RCHY1: variants seen among roughly 807,000 people sequenced by gnomAD.
RCHY1 encodes the protein RING finger and CHY zinc finger domain-containing protein 1.
Under a neutral mutation model 41.6 loss-of-function variants are expected in RCHY1, and 21 were observed. The ratio of observed to expected loss-of-function variants is 0.51; its 90% confidence interval spans 0.36 to 0.73. The LOEUF (loss-of-function observed/expected upper bound fraction) is 0.73. Among genes scored for constraint, RCHY1 ranks in the 30% least tolerant of loss-of-function variants. The pLI is 0.00. For synonymous variants in RCHY1, 79 were observed against 102.9 expected (o/e 0.77, Z 1.41); for missense variants, 265 against 325.3 (o/e 0.81, Z 1.43).
intron 3 of RCHY1, among the ~76,000 whole-genome samples, chr4:75,499,199 A>AACAGAAG (rs1723501400): frequency 1.3e-5 from 2 of 152,216 alleles, no homozygotes; most frequent in Non-Finnish European, 2.9e-5. Flanking sequence ...TCATCAGACA[A>AACAGAAG]ACAGAAATCA....
intron 8 of RCHY1, among the ~76,000 whole-genome samples, chr4:75,489,056 C>CGTTG (rs1722505148): frequency 6.6e-6 from 1 of 151,104 alleles, no homozygotes; most frequent in Non-Finnish European, 1.5e-5. Context: ...GGCTGCACAA[C>CGTTG]AAGAGCAAGA....
Position 75,514,322 on chromosome 4 carries a change from C to A in RCHY1, c.-36G>T. On this transcript the variant is annotated 5_prime_UTR_variant, in exon 1 of 9. Transcript: ENST00000324439. ...TCCCCTCACATTCCACCGATCCTTC[C>A]CCCAGGATAAAAACCACGCCCAGAG... 1 of 1,593,940 alleles carries A rather than the reference C, an allele frequency of 6.3e-7. No homozygotes were observed. The highest frequency in any genetic ancestry group is 8.6e-7 in the Non-Finnish European group (1 of 1,164,858).
chr4:75,486,531 G>A (rs1722019081), intron 8 of RCHY1, among the ~76,000 whole-genome samples: 1 of 151,806 alleles, frequency 6.6e-6, no homozygotes, highest in Admixed American at 6.6e-5. Context: ...TATAAATACT[G>A]ATACAAAACA....
At chr4:75,513,077 T>C (rs1046702141) in intron 1 of RCHY1, among the ~76,000 whole-genome samples, 3 of 152,148 alleles carry the variant, frequency 2.0e-5, no homozygotes, top group African/African-American at 7.2e-5. Flanking sequence ...AATTGAATCA[T>C]AAGGATAGCA....
At position 75,509,491 on chromosome 4, in the gene RCHY1, C is replaced by T; in HGVS notation, c.91-195G>A. On this transcript the variant is annotated intron_variant, in intron 1 of 8. Transcript: ENST00000324439. ...ATTTTATGTTAATTCTTCCCTTCAACATCACTACGTCTGTATGAAGTTGAA... is the reference window on the plus strand; with the variant it reads ...ATTTTATGTTAATTCTTCCCTTCAATATCACTACGTCTGTATGAAGTTGAA... The T allele has an allele frequency of 7.7e-6, 4 of 521,948 alleles. No individual in the cohort carries two copies. In the South Asian group the frequency reaches 1.2e-4, roughly 15 times the overall value. The allele number at this position is 521,948 out of a possible 1,614,324, so 32.3% of individuals were successfully genotyped here. A position where few individuals can be genotyped will look rare whatever the true frequency, so the allele number is the denominator to read the frequency against.
At chr4:75,491,699 C>T in intron 6 of RCHY1, 25 bp downstream of exon 6, 1 of 1,607,898 alleles carries the variant, frequency 6.2e-7, no homozygotes, top group Non-Finnish European at 8.5e-7. Context: ...TTTCAAACAT[C>T]ATTGAGAAAA....
chr4:75,496,995 A>T (rs1723267302), intron 3 of RCHY1, among the ~76,000 whole-genome samples: 2 of 152,114 alleles, frequency 1.3e-5, no homozygotes, highest in Admixed American at 1.3e-4. Context: ...AAATATGAAA[A>T]ATATGTTTAA....
At chr4:75,493,275 T>C (rs1029473012) in intron 4 of RCHY1, among the ~76,000 whole-genome samples, 9 of 151,956 alleles carry the variant, frequency 5.9e-5, no homozygotes, top group African/African-American at 2.2e-4. Context: ...TTCTTTTTCC[T>C]TAATACCATT....
At chr4:75,501,609 A>G (rs1286941774) in intron 3 of RCHY1, among the ~76,000 whole-genome samples, 1 of 152,240 alleles carries the variant, frequency 6.6e-6, no homozygotes, top group Non-Finnish European at 1.5e-5. Context: ...AACGTGAGTC[A>G]CATATTACAA....
chr4:75,500,834 G>A (rs1723676642), intron 3 of RCHY1, among the ~76,000 whole-genome samples: 1 of 152,108 alleles, frequency 6.6e-6, no homozygotes, highest in South Asian at 2.1e-4. Context: ...AAGACTTGGT[G>A]CAAAAGACTA....
intron 1 of RCHY1, among the ~76,000 whole-genome samples, chr4:75,512,747 T>C (rs1332395239): frequency 6.6e-6 from 1 of 152,114 alleles, no homozygotes; most frequent in African/African-American, 2.4e-5. Flanking sequence ...ACTCTAATCC[T>C]GATCTCTCCA....
At chr4:75,503,777 A>G (rs1373271901) in intron 3 of RCHY1, among the ~76,000 whole-genome samples, 1 of 152,208 alleles carries the variant, frequency 6.6e-6, no homozygotes. Context: ...ACATTATTTC[A>G]TGACAAAAAC....
chr4:75,485,489 A>G (rs1289119983), intron 8 of RCHY1, among the ~76,000 whole-genome samples: 3 of 152,212 alleles, frequency 2.0e-5, no homozygotes, highest in African/African-American at 7.2e-5. Flanking sequence ...AAATTTATAT[A>G]GTAAGTCATA....
chr4:75,508,938 A>G lies in RCHY1; in HGVS notation c.211-3T>C. The G allele has an allele frequency of 5.7e-6, 9 of 1,573,706 alleles. No individual in the cohort carries two copies. Among genetic ancestry groups the G allele is most frequent in the Non-Finnish European group, 7.8e-6 (9 of 1,157,612 alleles). On this transcript the variant is annotated splice_region_variant and splice_polypyrimidine_tract_variant and intron_variant, in intron 2 of 8. Coordinates refer to ENST00000324439, the MANE Select transcript of RCHY1 (RefSeq NM_015436.4). ...CATTCTTCACAAGTCTGTTGGGCCTAAAAAAGAAACATAATTAAAAACTGC... is the reference window on the plus strand; with the variant it reads ...CATTCTTCACAAGTCTGTTGGGCCTGAAAAAGAAACATAATTAAAAACTGC...
rs142658745 is a variant in RCHY1, at chr4:75,496,653, G to A, written c.327-2474C>T. Among the ~76,000 whole-genome samples, 252 of 152,208 alleles carry A rather than the reference G, an allele frequency of 1.7e-3. 1 individual carries two copies. Among genetic ancestry groups the A allele is most frequent in the African/African-American group, 5.8e-3 (242 of 41,546 alleles). ...GATATTGCCTCAACAGTGGAGAATA[G>A]CCCTGGGATAAGCCCTTCTGTAGAT... On this transcript the variant is annotated intron_variant, in intron 3 of 8. Coordinates refer to ENST00000324439, the MANE Select transcript of RCHY1 (RefSeq NM_015436.4).
At chr4:75,499,079 C>T (rs2148747822) in intron 3 of RCHY1, among the ~76,000 whole-genome samples, 1 of 152,076 alleles carries the variant, frequency 6.6e-6, no homozygotes, top group East Asian at 1.9e-4. Flanking sequence ...GCTCAGACAA[C>T]TTAATAACAA....
intron 7 of RCHY1, 49 bp downstream of exon 7, chr4:75,491,562 C>A (rs763838172): frequency 5.1e-6 from 8 of 1,556,784 alleles, no homozygotes; most frequent in Middle Eastern, 1.7e-4. Context: ...ACCACACACA[C>A]AAAAAAGTCA....
chr4:75,488,196 G>C (rs567730208), intron 8 of RCHY1, among the ~76,000 whole-genome samples: 4 of 151,720 alleles, frequency 2.6e-5, no homozygotes, highest in Non-Finnish European at 5.9e-5. Flanking sequence ...TTATGTCGGG[G>C]TATATGCTAT....
At chr4:75,512,690 T>A (rs773680363) in intron 1 of RCHY1, among the ~76,000 whole-genome samples, 24 of 152,004 alleles carry the variant, frequency 1.6e-4, no homozygotes, top group Non-Finnish European at 2.8e-4. Flanking sequence ...AAGAATACCC[T>A]ATAAGTGCTA....
Sources: gnomAD v4.1 joint callset for allele counts (sites outside exome capture counted in the v4.1 genomes callset) on GRCh38, gnomAD v4.1.1 for gene constraint, MANE v1.5 for transcripts, NCBI Gene and HGNC (gene_info 2026-07-23, HGNC 2026-07-21) for gene names.